FZD3: variants seen among roughly 807,000 people sequenced by gnomAD.
FZD3 encodes the protein frizzled-3.
FZD3 carries 30 observed loss-of-function variants against 60.7 expected under a neutral mutation model. The ratio of observed to expected loss-of-function variants is 0.49; its 90% confidence interval spans 0.37 to 0.67. FZD3 has a LOEUF of 0.67. Ranked by LOEUF, FZD3 falls within the 30% of genes least tolerant of loss-of-function variation. FZD3 has a pLI of 0.00. For missense variants in FZD3, 605 were observed against 838.7 expected (o/e 0.72, Z 3.44); for synonymous variants, 246 against 275.2 (o/e 0.89, Z 1.05).
intron 4 of FZD3, among the ~76,000 whole-genome samples, chr8:28,522,992 A>T (rs1804625227): frequency 6.6e-6 from 1 of 151,548 alleles, no homozygotes; most frequent in Non-Finnish European, 1.5e-5. Flanking sequence ...CTGGTCTCGA[A>T]CTCCTGACTT....
At chr8:28,557,159 A>T (rs187580972) in intron 7 of FZD3, among the ~76,000 whole-genome samples, 445 of 151,280 alleles carry the variant, frequency 2.9e-3, no homozygotes, top group African/African-American at 0.01. Flanking sequence ...GAGTGAGCTG[A>T]CATCGTGCCA....
chr8:28,554,856 A>G (rs1176207309), intron 6 of FZD3, among the ~76,000 whole-genome samples: 1 of 152,032 alleles, frequency 6.6e-6, no homozygotes, highest in Admixed American at 6.5e-5. Context: ...CAATCTTAAC[A>G]TGCTGGAGTT....
chr8:28,562,401 G>C (rs1270384589), intron 7 of FZD3, among the ~76,000 whole-genome samples: 1 of 151,828 alleles, frequency 6.6e-6, no homozygotes, highest in Non-Finnish European at 1.5e-5. Context: ...CCCCTCTACT[G>C]ATTATAACCA....
chr8:28,554,350 TATATGA>T (rs1805465519), intron 6 of FZD3, among the ~76,000 whole-genome samples: 2 of 152,322 alleles, frequency 1.3e-5, no homozygotes, highest in Admixed American at 1.3e-4. Flanking sequence ...GATGTACATA[TATATGA>T]ATAAGGCCGT....
rs556484937 is a variant in FZD3, at chr8:28,545,970, C to T, written c.1405-5633C>T. Among the ~76,000 whole-genome samples, 3 of 152,212 alleles carry T rather than the reference C, an allele frequency of 2.0e-5. No homozygotes were observed. The South Asian group carries it at 6.2e-4, about 32-fold the overall frequency. On this transcript the variant is annotated intron_variant, in intron 5 of 7. Coordinates refer to ENST00000240093, the MANE Select transcript of FZD3 (RefSeq NM_017412.4). ...TACCCTTTCTATGTTTAAATAGATA[C>T]CCAAATATTTAATATTGTAATACAA...
At chr8:28,521,359 G>T (rs188494281) in intron 4 of FZD3, among the ~76,000 whole-genome samples, 107 of 152,020 alleles carry the variant, frequency 7.0e-4, no homozygotes, top group African/African-American at 2.5e-3. Flanking sequence ...CATTCTTAAA[G>T]TTTCATTTAA....
In FZD3 at chr8:28,564,924, A is replaced by G; in HGVS notation, c.*1913A>G. 1 of 152,212 alleles carries G rather than the reference A, an allele frequency of 6.6e-6. No homozygotes were observed. Among genetic ancestry groups the G allele is most frequent in the Non-Finnish European group, 1.5e-5 (1 of 68,024 alleles). 9.4% of individuals were successfully genotyped at this position (152,212 alleles called of 1,614,324 possible). A position where few individuals can be genotyped will look rare whatever the true frequency, so the allele number is the denominator to read the frequency against. On this transcript the variant is annotated 3_prime_UTR_variant, in exon 8 of 8. Transcript: ENST00000240093. Reference sequence around the variant, plus strand: ...GTCAGATTAAGATCAAGTGAAAAAAATTATGTGAAAGCTCTTTGAAAACTG... The same window carrying G: ...GTCAGATTAAGATCAAGTGAAAAAAGTTATGTGAAAGCTCTTTGAAAACTG...
In FZD3 at chr8:28,564,721, T is replaced by TA. The variant is rs1554541207; in HGVS notation, c.*1711dup. On this transcript the variant is annotated 3_prime_UTR_variant, in exon 8 of 8. Coordinates refer to ENST00000240093, the MANE Select transcript of FZD3 (RefSeq NM_017412.4). ...TTATAAAAATACCGCAGGTGATTCT[T>TA]ACGGAGGTAATCCAAGAATCATACT... is the stretch of plus-strand genomic sequence containing the variant. 1 of 152,206 alleles carries TA rather than the reference T, an allele frequency of 6.6e-6. No homozygotes were observed. Among genetic ancestry groups the TA allele is most frequent in the Non-Finnish European group, 1.5e-5 (1 of 68,046 alleles). 9.4% of individuals were successfully genotyped at this position (152,206 alleles called of 1,614,324 possible).
chr8:28,494,937 A>T (rs944787963), intron 1 of FZD3, among the ~76,000 whole-genome samples: 3 of 152,022 alleles, frequency 2.0e-5, no homozygotes, highest in Non-Finnish European at 2.9e-5. Context: ...CCTCCCGTCC[A>T]TCAGTTTGCA....
chr8:28,498,193 C>T (rs112696973), intron 1 of FZD3, among the ~76,000 whole-genome samples: 4 of 152,228 alleles, frequency 2.6e-5, no homozygotes, highest in African/African-American at 9.6e-5. Flanking sequence ...ATACAAAGGG[C>T]GTGAGCAACT....
intron 1 of FZD3, among the ~76,000 whole-genome samples, chr8:28,498,277 TC>T (rs370204226): frequency 1.8e-4 from 27 of 150,238 alleles, no homozygotes; most frequent in East Asian, 5.9e-4. Context: ...ATCTAATAGG[TC>T]CCCCCCCTTT....
intron 5 of FZD3, among the ~76,000 whole-genome samples, chr8:28,541,046 G>C (rs1171131111): frequency 6.6e-6 from 1 of 152,094 alleles, no homozygotes. Flanking sequence ...AGTAGGCTTT[G>C]CCTTTCTAGC....
chr8:28,534,066 T>C (rs868698902), intron 5 of FZD3, among the ~76,000 whole-genome samples: 1 of 152,260 alleles, frequency 6.6e-6, no homozygotes, highest in African/African-American at 2.4e-5. Flanking sequence ...TATGGCTTCA[T>C]TCCTGCCATT....
chr8:28,495,366 A>G (rs1317929747), intron 1 of FZD3, among the ~76,000 whole-genome samples: 1 of 152,206 alleles, frequency 6.6e-6, no homozygotes, highest in Non-Finnish European at 1.5e-5. Flanking sequence ...GCAGCACAGC[A>G]GAGTAGCCGC....
At chr8:28,519,757 A>G (rs542934754) in intron 3 of FZD3, among the ~76,000 whole-genome samples, 5 of 148,730 alleles carry the variant, frequency 3.4e-5, no homozygotes, top group African/African-American at 7.4e-5. Flanking sequence ...AACCAAGAAA[A>G]TTTCAGCCCA....
At chr8:28,557,209 C>CAAA (rs34146681) in intron 7 of FZD3, among the ~76,000 whole-genome samples, 3 of 117,924 alleles carry the variant, frequency 2.5e-5, no homozygotes, top group Admixed American at 8.4e-5. Flanking sequence ...AACTCTGTCT[C>CAAA]AAAAAAAAAA....
Position 28,571,049 on chromosome 8 carries a change from G to C in FZD3, c.*8038G>C, listed in dbSNP as rs1461762921. The C allele has an allele frequency of 6.8e-6, 1 of 147,352 alleles. No homozygotes were observed. Among genetic ancestry groups the C allele is most frequent in the African/African-American group, 2.5e-5 (1 of 40,236 alleles). 9.1% of individuals were successfully genotyped at this position (147,352 alleles called of 1,614,324 possible). On this transcript the variant is annotated 3_prime_UTR_variant, in exon 8 of 8. Coordinates refer to ENST00000240093, the MANE Select transcript of FZD3 (RefSeq NM_017412.4). ...TACCAAAAAAAAAAAAAAAAGAAAA[G>C]GTTTGTTTTTAGTTCTCTGCCTCTG...
At chr8:28,508,628 G>A (rs1210914300) in intron 3 of FZD3, among the ~76,000 whole-genome samples, 2 of 151,936 alleles carry the variant, frequency 1.3e-5, no homozygotes, top group East Asian at 3.9e-4. Flanking sequence ...AGCCTCCTGA[G>A]TAGCTGGGAC....
chr8:28,558,391 C>T (rs374251030), intron 7 of FZD3, among the ~76,000 whole-genome samples: 41 of 151,780 alleles, frequency 2.7e-4, no homozygotes, highest in African/African-American at 9.2e-4. Context: ...CTTTATTTGA[C>T]GTTATTGGCC....
Sources: allele counts gnomAD v4.1 joint callset (sites outside exome capture counted in the v4.1 genomes callset), GRCh38; gene constraint gnomAD v4.1.1; transcripts MANE v1.5; gene names NCBI Gene and HGNC (gene_info 2026-07-23, HGNC 2026-07-21).